Variants in ARSD observed in about 807,000 individuals in gnomAD.
The protein encoded by ARSD is testis tissue sperm-binding protein Li 39a.
In ARSD, 21 loss-of-function variants were observed where a neutral mutation model predicts 32.6. The ratio of observed to expected loss-of-function variants is 0.64; its 90% CI spans 0.46 to 0.93. The LOEUF (loss-of-function observed/expected upper bound fraction) is 0.93, where lower values mean the gene tolerates loss of function less well. Ranked by LOEUF, ARSD falls within the 40% of genes least tolerant of loss-of-function variation. The pLI is 0.00. For missense variants in ARSD, 454 were observed against 520.9 expected, an observed-to-expected ratio of 0.87 and a Z score of 1.25; for synonymous variants, 224 against 237.4, an observed-to-expected ratio of 0.94 and a Z score of 0.52.
chrX:2,913,898 A>G, intron 6 of ARSD: 2 of 320,875 alleles, frequency 6.2e-6, no homozygotes, highest in Non-Finnish European at 8.8e-6. Flanking sequence ...GTAGCTTCTC[A>G]CGAGATCTGG....
chrX:2,908,231 TTATCTATC>T (rs201024911), intron 9 of ARSD, among the ~76,000 whole-genome samples: 1 of 110,037 alleles, frequency 9.1e-6, no homozygotes, highest in Non-Finnish European at 1.9e-5. Flanking sequence ...ATTCTACTTT[TTATCTATC>T]TATCTATCTA....
In ARSD at chrX:2,924,562, T is replaced by C. The variant is rs888726249; in HGVS notation, c.194+1054A>G. 2.1e-4 allele frequency among the ~76,000 whole-genome samples: 24 copies of C among 113,238 alleles called. 1 individual carries two copies. The highest frequency in any genetic ancestry group is 1.8e-3 in the South Asian group (5 of 2,799). On this transcript the variant is annotated intron_variant, in intron 2 of 9. Coordinates refer to ENST00000381154, the MANE Select transcript of ARSD (RefSeq NM_001669.4). ...CCACTCAAGCGCTCTGCTGGTAAGG[T>C]TGGCATAGAGGCTACTACTCTGTGT...
At chrX:2,928,306 G>C (rs1353403339) in intron 1 of ARSD, among the ~76,000 whole-genome samples, 2 of 99,413 alleles carry the variant, frequency 2.0e-5, no homozygotes, top group East Asian at 6.6e-4. Flanking sequence ...GTCTTGGGGG[G>C]TGACCGGGGT....
At position 2,908,824 on chromosome X, in the gene ARSD, G is replaced by A; in HGVS notation, c.1317C>T (p.Ser439=). 4 of 1,210,977 alleles carry A rather than the reference G, an allele frequency of 3.3e-6. No individual in the cohort carries two copies. Among genetic ancestry groups the A allele is most frequent in the Non-Finnish European group, 4.5e-6 (4 of 895,203 alleles). Residue 439 remains serine, a synonymous_variant, in exon 9 of 10, where the codon AGC becomes AGT. Coordinates refer to ENST00000381154, the MANE Select transcript of ARSD (RefSeq NM_001669.4). ...CAGCTCCCTGCAGCAAGGGTACCAG[G>A]CTGTGGCCATCAATCACCCTGATTT... ...VPQDRVIDGH[S]LVPLLQGAEA... is the part of the protein sequence containing the mutation.
At position 2,905,010 on chromosome X, in the gene ARSD, C is replaced by A; in HGVS notation, c.*2261G>T. The A allele has an allele frequency of 2.9e-6, 1 of 340,576 alleles. No homozygotes were observed. The allele number at this position is 340,576 out of a possible 1,213,427, so 28.1% of individuals were successfully genotyped here. ...AACCTGAGCTCTATAAATGTTGCCTCTCTCCACTCATCTTCTCTTTGGCTT... is the reference window on the plus strand; with the variant it reads ...AACCTGAGCTCTATAAATGTTGCCTATCTCCACTCATCTTCTCTTTGGCTT... On this transcript the variant is annotated 3_prime_UTR_variant, in exon 10 of 10. Coordinates refer to ENST00000381154, the MANE Select transcript of ARSD (RefSeq NM_001669.4).
intron 3 of ARSD, among the ~76,000 whole-genome samples, chrX:2,921,257 A>G (rs1399979601): frequency 9.0e-6 from 1 of 111,731 alleles, no homozygotes; most frequent in Non-Finnish European, 1.9e-5. Context: ...TCTATCATCT[A>G]TATCTATCCA....
chrX:2,913,834 A>G (rs887680303), intron 6 of ARSD: 13 of 653,175 alleles, frequency 2.0e-5, no homozygotes, highest in Non-Finnish European at 2.6e-5. Flanking sequence ...AATGATGGGG[A>G]CAGAGTTCTC....
chrX:2,918,268 G>T, intron 4 of ARSD, 41 bp from the exon 5 acceptor site: 6 of 1,095,965 alleles, frequency 5.5e-6, no homozygotes, highest in Non-Finnish European at 7.2e-6. Context: ...CCGCTTTGAA[G>T]CAGCCCTGTC....
At chrX:2,908,177 A>C (rs1009539516) in intron 9 of ARSD, among the ~76,000 whole-genome samples, 2 of 111,035 alleles carry the variant, frequency 1.8e-5, no homozygotes, top group African/African-American at 6.6e-5. Flanking sequence ...TCTACCTTTC[A>C]TCCATCTATC....
At chrX:2,920,312 C>T (rs924568232) in intron 4 of ARSD, 4 of 303,277 alleles carry the variant, frequency 1.3e-5, no homozygotes, top group Admixed American at 5.5e-5. Context: ...GGACCAGGCA[C>T]CAACTTCTGA....
chrX:2,918,043 C>T lies in ARSD; in HGVS notation c.624G>A (p.Ala208=), dbSNP rs73632973. The change falls in exon 5 of 10, where the codon GCG becomes GCA. Residue 208 remains alanine (A), a synonymous_variant. Transcript: ENST00000381154. ...CGGCAGCCAGGGTGAGAATCCCCAGCGCCAGGAACTGGGTGTAACCCCAGA... is the reference window on the plus strand; with the variant it reads ...CGGCAGCCAGGGTGAGAATCCCCAGTGCCAGGAACTGGGTGTAACCCCAGA... ...AQLWGYTQFL[A]LGILTLAAGQ... The T allele has an allele frequency of 8.3e-7, 1 of 1,202,948 alleles. No homozygotes were observed. The highest frequency in any genetic ancestry group is 3.0e-5 in the East Asian group (1 of 33,324).
chrX:2,920,366 C>CTTTTTTTTTTTTTTTTTTTTTTTTTT, intron 4 of ARSD: 1 of 321,784 alleles, frequency 3.1e-6, no homozygotes, highest in Non-Finnish European at 5.3e-6. Context: ...AAAACGGGAT[C>CTTTTTTTTTTTTTTTTTTTTTTTTTT]TTTTTTTTTT....
intron 6 of ARSD, among the ~76,000 whole-genome samples, chrX:2,912,139 A>T (rs1201951539): frequency 8.9e-6 from 1 of 111,929 alleles, no homozygotes; most frequent in Non-Finnish European, 1.9e-5. Context: ...ACCCTGTTTA[A>T]AAAAGAAAAA....
At chrX:2,920,473 C>A (rs745542932) in intron 4 of ARSD, 128 bp downstream of exon 4, 1 of 1,018,425 alleles carries the variant, frequency 9.8e-7, no homozygotes. Flanking sequence ...CGGGTTCAAG[C>A]GATTCTCCTG....
chrX:2,910,072 A>C, intron 7 of ARSD, 93 bp from the exon 8 acceptor site: 2 of 1,093,026 alleles, frequency 1.8e-6, no homozygotes, highest in Non-Finnish European at 2.5e-6. Context: ...GTGAATACGC[A>C]CAGCCACCCG....
At chrX:2,919,697 G>A (rs2089010699) in intron 4 of ARSD, among the ~76,000 whole-genome samples, 1 of 111,538 alleles carries the variant, frequency 9.0e-6, no homozygotes, top group Non-Finnish European at 1.9e-5. Flanking sequence ...TTGGTTCTGG[G>A]AGTCTGGAAT....
rs761593220 is a variant in ARSD at position 2,923,951 on chromosome X, A to T, written c.194+1665T>A. The stretch of plus-strand genomic sequence containing the variant: ...AAAGTCCCTGAACTGTACACTGTAA[A>T]CAGATGAACCGCATGTTCTGTGAAT... On this transcript the variant is annotated intron_variant, in intron 2 of 9. Coordinates refer to ENST00000381154, the MANE Select transcript of ARSD (RefSeq NM_001669.4). Among the ~76,000 whole-genome samples the T allele has an allele frequency of 2.5e-4, 28 of 112,384 alleles. No individual in the cohort carries two copies. In the South Asian group the frequency reaches 9.6e-3, roughly 39 times the overall value.
rs376011182 is a variant in ARSD, at chrX:2,917,932, G to A, written c.735C>T (p.Tyr245=). 2.5e-6 allele frequency: 3 copies of A among 1,211,176 alleles called. No individual in the cohort carries two copies. In the African/African-American group the frequency reaches 5.2e-5, roughly 21 times the overall value. The change falls in exon 5 of 10, where the codon TAC becomes TAT. Residue 245 remains tyrosine, a synonymous_variant. Transcript: ENST00000381154. The stretch of plus-strand genomic sequence containing the variant: ...AGCGTCGCACAAACCCGAAGGAGGA[G>A]TACCAAGAGATGAAAAACAGGCAGC... ...GVGCLFFISW[Y]SSFGFVRRWN... is the part of the protein sequence containing the mutation.
At chrX:2,928,653 G>C (rs1158133350) in intron 1 of ARSD, among the ~76,000 whole-genome samples, 1 of 90,376 alleles carries the variant, frequency 1.1e-5, no homozygotes, top group Non-Finnish European at 2.2e-5. Flanking sequence ...GAACACGGCC[G>C]TGCTGGAAGG....
Sources: allele counts gnomAD v4.1 joint callset (sites outside exome capture counted in the v4.1 genomes callset), GRCh38; gene constraint gnomAD v4.1.1; transcripts MANE v1.5; gene names NCBI Gene and HGNC (gene_info 2026-07-23, HGNC 2026-07-21).